LNPEP: variants seen among roughly 807,000 people sequenced by gnomAD.
LNPEP encodes the protein leucyl and cystinyl aminopeptidase, also known as leucyl-cystinyl aminopeptidase.
Under a neutral mutation model 120.6 loss-of-function variants are expected in LNPEP, and 64 were observed. The ratio of observed to expected loss-of-function variants is 0.53; its 90% confidence interval spans 0.43 to 0.65. The LOEUF is 0.65. Ranked by LOEUF, LNPEP falls within the 30% of genes least tolerant of loss-of-function variation. LNPEP has a pLI of 0.00. For missense variants in LNPEP, 1,057 were observed against 1,200.0 expected, an observed-to-expected ratio of 0.88 and a Z score of 1.76; for synonymous variants, 435 against 425.4, an observed-to-expected ratio of 1.02 and a Z score of -0.28.
rs1554070226 is a variant in LNPEP, at chr5:97,009,362, A to AT, written c.2035+2850dup. Among the ~76,000 whole-genome samples the AT allele has an allele frequency of 8.4e-3, 762 of 90,730 alleles. 4 individuals carry two copies. Among genetic ancestry groups the AT allele is most frequent in the African/African-American group, 0.03 (690 of 23,036 alleles). The allele number at this position is 90,730 out of a possible 152,430, so 59.5% of individuals were successfully genotyped here. ...ACTCATATCTATCCTCATATTAGGTATTTCCCCCATTGACGGTAGTGATCA... is the reference window on the plus strand; with the variant it reads ...ACTCATATCTATCCTCATATTAGGTATTTTCCCCCATTGACGGTAGTGATCA... On this transcript the variant is annotated intron_variant, in intron 11 of 17. Transcript: ENST00000231368.
Position 96,993,083 on chromosome 5 carries a change from T to C in LNPEP, c.1200T>C (p.Leu400=), listed in dbSNP as rs755757551. Residue 400 remains leucine, a synonymous_variant, in exon 5 of 18, where the codon CTT becomes CTC. Transcript: ENST00000231368. Reference sequence around the variant, plus strand: ...ATGCCTTGGAAACAACTGTGAAGCTTCTTGAGTTTTTTCAAAACTACTTTG... The same window carrying C: ...ATGCCTTGGAAACAACTGTGAAGCTCCTTGAGTTTTTTCAAAACTACTTTG... The part of the protein sequence containing the change: ...VHYALETTVK[L]LEFFQNYFEI... The C allele has an allele frequency of 9.4e-6, 15 of 1,600,044 alleles. No individual in the cohort carries two copies. In the Admixed American group the frequency reaches 2.5e-4, roughly 27 times the overall value.
In LNPEP at chr5:96,979,311, G is replaced by A; in HGVS notation, c.193G>A (p.Glu65Lys). 2 of 1,614,038 alleles carry A rather than the reference G, an allele frequency of 1.2e-6. No individual in the cohort carries two copies. Among genetic ancestry groups the A allele is most frequent in the Non-Finnish European group, 1.7e-6 (2 of 1,179,930 alleles). ...VRGLGEHEME[E>K]DEEDYESSAK... is the part of the protein sequence containing the mutation. ...GGGTCTTGGTGAGCATGAGATGGAG[G>A]AGGATGAAGAGGATTATGAGTCATC... is the stretch of plus-strand genomic sequence containing the variant. Residue 65 changes from glutamate to lysine, a missense_variant, in exon 2 of 18, where the codon GAG becomes AAG. Coordinates refer to ENST00000231368, the MANE Select transcript of LNPEP (RefSeq NM_005575.3).
At chr5:96,988,472 G>A (rs997014321) in intron 4 of LNPEP, among the ~76,000 whole-genome samples, 2 of 151,230 alleles carry the variant, frequency 1.3e-5, no homozygotes, top group South Asian at 4.2e-4. Flanking sequence ...CTGAGCAGCT[G>A]GGATTACAGG....
chr5:97,016,304 T>C (rs1791068838), intron 13 of LNPEP, among the ~76,000 whole-genome samples: 1 of 152,098 alleles, frequency 6.6e-6, no homozygotes, highest in Non-Finnish European at 1.5e-5. Context: ...TCAGTAAACG[T>C]TGAGTGAATA....
intron 1 of LNPEP, among the ~76,000 whole-genome samples, chr5:96,962,132 T>A (rs1789620919): frequency 1.3e-5 from 2 of 152,200 alleles, no homozygotes; most frequent in Admixed American, 1.3e-4. Flanking sequence ...ACTCTTTAGT[T>A]GTGATGTAGA....
chr5:97,009,731 TCCA>T (rs1276234755), intron 11 of LNPEP, among the ~76,000 whole-genome samples: 2 of 152,126 alleles, frequency 1.3e-5, no homozygotes, highest in Non-Finnish European at 2.9e-5. Flanking sequence ...GTTTAGAGAG[TCCA>T]CATGAAAACT....
intron 1 of LNPEP, among the ~76,000 whole-genome samples, chr5:96,948,803 TTTTTTTCC>T (rs1789253221): frequency 6.6e-6 from 1 of 152,194 alleles, no homozygotes; most frequent in Admixed American, 6.5e-5. Flanking sequence ...GCTTTTTTTC[TTTTTTTCC>T]ATTTTGGAGA....
At chr5:96,992,404 T>C (rs1790410388) in intron 4 of LNPEP, among the ~76,000 whole-genome samples, 1 of 152,194 alleles carries the variant, frequency 6.6e-6, no homozygotes, top group Non-Finnish European at 1.5e-5. Context: ...TCCGCAGCAT[T>C]GGAAGAAAAA....
rs202095384 is a variant in LNPEP at position 96,993,048 on chromosome 5, C to G, written c.1165C>G (p.Gln389Glu). ...ATATGCTGTACCAGAAAAGATTGGT[C>G]AAGTTCATTATGCCTTGGAAACAAC... The part of the protein sequence containing the change: ...SIYAVPEKIG[Q>E]VHYALETTVK... The change falls in exon 5 of 18, where the codon CAA (glutamine) becomes GAA (glutamate). Residue 389 changes from glutamine (Q) to glutamate (E), a missense_variant. Transcript: ENST00000231368. 61 of 1,597,200 alleles carry G rather than the reference C, an allele frequency of 3.8e-5. No individual in the cohort carries two copies. In the Middle Eastern group the frequency reaches 5.0e-4, roughly 13 times the overall value.
At chr5:96,974,253 C>G (rs1789938569) in intron 1 of LNPEP, among the ~76,000 whole-genome samples, 1 of 152,126 alleles carries the variant, frequency 6.6e-6, no homozygotes, top group South Asian at 2.1e-4. Context: ...TTCCCAACAA[C>G]TTGCCTTTAG....
chr5:97,006,333 A>G (rs1790781807), intron 10 of LNPEP, 94 bp from the exon 11 acceptor site: 2 of 1,276,614 alleles, frequency 1.6e-6, no homozygotes, highest in Admixed American at 2.1e-5. Flanking sequence ...ACCTAACAAG[A>G]TTATCCCTTC....
chr5:96,964,449 T>G (rs1030581758), intron 1 of LNPEP, among the ~76,000 whole-genome samples: 2 of 152,084 alleles, frequency 1.3e-5, no homozygotes, highest in Non-Finnish European at 2.9e-5. Flanking sequence ...CAACTGGATA[T>G]TTATTTAAAT....
At chr5:96,985,355 A>G (rs1790216125) in intron 3 of LNPEP, 137 bp downstream of exon 3, 1 of 726,228 alleles carries the variant, frequency 1.4e-6, no homozygotes, top group Admixed American at 3.6e-5. Context: ...AAATACTTAA[A>G]TAAAAATTAA....
chr5:96,951,914 A>C (rs936165080), intron 1 of LNPEP, among the ~76,000 whole-genome samples: 3 of 152,164 alleles, frequency 2.0e-5, no homozygotes, highest in African/African-American at 7.2e-5. Context: ...TGTTTGGATC[A>C]AGATGTCTGG....
At chr5:96,996,541 G>A in intron 7 of LNPEP, 38 bp downstream of exon 7, 1 of 1,007,178 alleles carries the variant, frequency 9.9e-7, no homozygotes, top group Admixed American at 1.8e-5. Context: ...ATGAATGCTA[G>A]GAGGAAAAAT....
intron 1 of LNPEP, among the ~76,000 whole-genome samples, chr5:96,939,979 A>G (rs972316668): frequency 1.3e-5 from 2 of 152,178 alleles, no homozygotes; most frequent in Non-Finnish European, 2.9e-5. Context: ...GACAACTCTT[A>G]AGAAATAGGA....
intron 6 of LNPEP, 32 bp downstream of exon 6, chr5:96,994,003 C>G: frequency 6.3e-7 from 1 of 1,597,448 alleles, no homozygotes; most frequent in Non-Finnish European, 8.6e-7. Flanking sequence ...CTGTGTCACA[C>G]CTGTGGTCTA....
At chr5:96,978,710 A>G (rs1790056294) in intron 1 of LNPEP, among the ~76,000 whole-genome samples, 1 of 152,100 alleles carries the variant, frequency 6.6e-6, no homozygotes, top group South Asian at 2.1e-4. Context: ...TAGAAGGGGA[A>G]CCGTGGACTG....
chr5:96,995,515 A>T (rs1048514756), intron 6 of LNPEP, among the ~76,000 whole-genome samples: 1 of 150,984 alleles, frequency 6.6e-6, no homozygotes, highest in African/African-American at 2.4e-5. Flanking sequence ...TCATTTGTTT[A>T]TATATGCCAT....
Sources: gnomAD v4.1 joint callset for allele counts (sites outside exome capture counted in the v4.1 genomes callset) on GRCh38, gnomAD v4.1.1 for gene constraint, MANE v1.5 for transcripts, NCBI Gene and HGNC (gene_info 2026-07-23, HGNC 2026-07-21) for gene names.